HIPK3: variants seen among roughly 807,000 people sequenced by gnomAD.
HIPK3 encodes homeodomain-interacting protein kinase 3.
In HIPK3, 47 loss-of-function variants were observed where a neutral mutation model predicts 124.2. The ratio of observed to expected loss-of-function variants is 0.38; its 90% CI spans 0.30 to 0.48. HIPK3 has a LOEUF of 0.48. HIPK3 is among the 20% of genes least tolerant of loss of function. The probability of loss-of-function intolerance (pLI) is 0.98; values close to 1 mark genes in which losing one functional copy is unlikely to be tolerated. For synonymous variants in HIPK3, 482 were observed against 515.2 expected (o/e 0.94, Z 0.87); for missense variants, 1,286 against 1,454.3 (o/e 0.88, Z 1.88).
intron 3 of HIPK3, among the ~76,000 whole-genome samples, chr11:33,332,365 G>A (rs1391150609): frequency 6.6e-6 from 1 of 152,132 alleles, no homozygotes; most frequent in Non-Finnish European, 1.5e-5. Flanking sequence ...ATCCCTTCCT[G>A]TCTTGATTGT....
intron 1 of HIPK3, 54 bp from the exon 2 acceptor site, chr11:33,286,359 T>G: frequency 7.3e-7 from 1 of 1,374,240 alleles, no homozygotes; most frequent in Non-Finnish European, 9.5e-7. Flanking sequence ...ATTGTTGACA[T>G]TAATATTTCT....
At chr11:33,286,391 C>CTT (rs34512764) in intron 1 of HIPK3, 22 bp from the exon 2 acceptor site, 463 of 1,163,770 alleles carry the variant, frequency 4.0e-4, no homozygotes, top group Non-Finnish European at 4.3e-4. Context: ...TTTTCTTTTC[C>CTT]TTTTTTTTTT....
chr11:33,290,664 ATGTC>A (rs1437197412), intron 2 of HIPK3, among the ~76,000 whole-genome samples: 1 of 151,082 alleles, frequency 6.6e-6, no homozygotes, highest in Non-Finnish European at 1.5e-5. Flanking sequence ...ATACTTGAGA[ATGTC>A]TGTCGGTTTA....
At chr11:33,336,722 C>T (rs970383241) in intron 3 of HIPK3, among the ~76,000 whole-genome samples, 5 of 152,168 alleles carry the variant, frequency 3.3e-5, no homozygotes, top group African/African-American at 1.2e-4. Context: ...AGGTTATTCT[C>T]TCTTGATTTT....
intron 2 of HIPK3, among the ~76,000 whole-genome samples, chr11:33,322,416 G>A (rs1463260181): frequency 6.6e-6 from 1 of 152,204 alleles, no homozygotes; most frequent in East Asian, 1.9e-4. Flanking sequence ...ATGAGCAAGA[G>A]GTTCTTACTA....
intron 2 of HIPK3, among the ~76,000 whole-genome samples, chr11:33,306,663 A>T (rs1172500083): frequency 1.3e-5 from 2 of 152,250 alleles, no homozygotes; most frequent in Non-Finnish European, 2.9e-5. Flanking sequence ...TATAATGATG[A>T]TAGTAACTAC....
In HIPK3 at chr11:33,328,995, G is replaced by A. The variant is rs191776602; in HGVS notation, c.1221+362G>A. 7.2e-5 allele frequency among the ~76,000 whole-genome samples: 11 copies of A among 152,220 alleles called. No individual in the cohort carries two copies. In the East Asian group the frequency reaches 1.7e-3, roughly 24 times the overall value. ...CAAGGCATAAAAGCTCCTAAAAGGC[G>A]TTATAACTTTTGGTCTTAAACCAAC... On this transcript the variant is annotated intron_variant, in intron 3 of 16. Coordinates refer to ENST00000303296, the MANE Select transcript of HIPK3 (RefSeq NM_005734.5).
chr11:33,307,720 A>G (rs192828521), intron 2 of HIPK3, among the ~76,000 whole-genome samples: 1 of 149,388 alleles, frequency 6.7e-6, no homozygotes, highest in Non-Finnish European at 1.5e-5. Context: ...GTGTGTTTTG[A>G]CTTTATATAT....
At chr11:33,298,038 C>T (rs1382635757) in intron 2 of HIPK3, among the ~76,000 whole-genome samples, 1 of 152,140 alleles carries the variant, frequency 6.6e-6, no homozygotes, top group African/African-American at 2.4e-5. Context: ...ATCCTCCCTC[C>T]TTGGCCTCCC....
At chr11:33,333,777 A>G (rs923680352) in intron 3 of HIPK3, among the ~76,000 whole-genome samples, 1 of 152,206 alleles carries the variant, frequency 6.6e-6, no homozygotes, top group Non-Finnish European at 1.5e-5. Flanking sequence ...TTTCTTCTTC[A>G]CAATGGCTTA....
intron 5 of HIPK3, among the ~76,000 whole-genome samples, 165 bp from the exon 6 acceptor site, chr11:33,339,185 A>G (rs543797541): frequency 2.0e-4 from 30 of 152,194 alleles, no homozygotes; most frequent in Non-Finnish European, 4.0e-4. Context: ...ACCTCAACAC[A>G]TTTTGAGGAT....
At chr11:33,299,151 C>T (rs1382514249) in intron 2 of HIPK3, among the ~76,000 whole-genome samples, 2 of 150,794 alleles carry the variant, frequency 1.3e-5, no homozygotes, top group South Asian at 4.3e-4. Flanking sequence ...CTGGCCTAGA[C>T]GAGTTGCTTC....
intron 2 of HIPK3, among the ~76,000 whole-genome samples, chr11:33,315,460 C>T (rs578063087): frequency 1.4e-4 from 21 of 152,192 alleles, no homozygotes; most frequent in Middle Eastern, 3.4e-3. Flanking sequence ...CTCCTGACCT[C>T]GTGATCCACC....
intron 1 of HIPK3, among the ~76,000 whole-genome samples, chr11:33,275,759 A>T (rs1851254755): frequency 6.6e-6 from 1 of 152,224 alleles, no homozygotes; most frequent in Non-Finnish European, 1.5e-5. Context: ...TGATTGAAGA[A>T]GTTATATAAT....
At chr11:33,296,775 CCTT>C (rs1431781843) in intron 2 of HIPK3, among the ~76,000 whole-genome samples, 7 of 152,204 alleles carry the variant, frequency 4.6e-5, no homozygotes, top group Admixed American at 3.9e-4. Context: ...CTTGGTCTCT[CCTT>C]CTCCTCTGGC....
chr11:33,341,765 A>G, intron 8 of HIPK3, 79 bp downstream of exon 8: 6 of 1,332,854 alleles, frequency 4.5e-6, no homozygotes, highest in Admixed American at 2.1e-5. Flanking sequence ...TTCATTAAAT[A>G]TATTGTATAA....
chr11:33,352,040 CT>C, intron 15 of HIPK3, 97 bp from the exon 16 acceptor site: 1 of 1,227,894 alleles, frequency 8.1e-7, no homozygotes, highest in Non-Finnish European at 1.2e-6. Flanking sequence ...AATTTTAAGG[CT>C]CTCAAATCAC....
At chr11:33,267,116 T>G (rs1180930452) in intron 1 of HIPK3, among the ~76,000 whole-genome samples, 1 of 152,086 alleles carries the variant, frequency 6.6e-6, no homozygotes. Flanking sequence ...GCGAAAACAT[T>G]TCCAGCTTTT....
intron 1 of HIPK3, among the ~76,000 whole-genome samples, chr11:33,273,839 AC>A: frequency 6.6e-6 from 1 of 152,328 alleles, no homozygotes; most frequent in East Asian, 1.9e-4. Context: ...AACTGAAAGT[AC>A]TATACTCAAG....
Sources: allele counts gnomAD v4.1 joint callset (sites outside exome capture counted in the v4.1 genomes callset), GRCh38; gene constraint gnomAD v4.1.1; transcripts MANE v1.5; gene names NCBI Gene and HGNC (gene_info 2026-07-23, HGNC 2026-07-21).